The following RFX3 variants were observed in gnomAD, a reference collection of about 807,000 sequenced individuals.
The protein encoded by RFX3 is regulatory factor X3.
RFX3 carries 14 observed loss-of-function variants against 98.6 expected under a neutral mutation model. The ratio of observed to expected loss-of-function variants is 0.14; its 90% CI spans 0.09 to 0.22. RFX3 has a LOEUF of 0.22. Ranked by LOEUF, RFX3 falls within the 10% of genes least tolerant of loss-of-function variation. RFX3 has a pLI of 1.00. For missense variants in RFX3, 639 were observed against 926.9 expected (o/e 0.69, Z 4.03); for synonymous variants, 383 against 328.4 (o/e 1.17, Z -1.80).
chr9:3,410,270 G>A (rs1482374277), intron 1 of RFX3, among the ~76,000 whole-genome samples: 2 of 148,424 alleles, frequency 1.3e-5, no homozygotes, highest in African/African-American at 5.0e-5. Flanking sequence ...GAACCATCTT[G>A]CCAACTTGTT....
At position 3,424,348 on chromosome 9, in the gene RFX3, C is replaced by CTTTTTT. The variant is rs748693786; in HGVS notation, c.-8-28758_-8-28753dup. On this transcript the variant is annotated intron_variant, in intron 1 of 16. Transcript: ENST00000617270. ...AGAGTCACTGTAATTACATAATTGA[C>CTTTTTT]TTTTTTTTTTTTTTTTTTTTTTTTT... Among the ~76,000 whole-genome samples the CTTTTTT allele has an allele frequency of 2.9e-4, 22 of 76,006 alleles. 3 individuals carry two copies. The highest frequency in any genetic ancestry group is 8.4e-4 in the African/African-American group (13 of 15,420). 49.9% of individuals were successfully genotyped at this position (76,006 alleles called of 152,430 possible). A position where few individuals can be genotyped will look rare whatever the true frequency, so the allele number is the denominator to read the frequency against.
chr9:3,298,556 A>C (rs546759306), intron 5 of RFX3, among the ~76,000 whole-genome samples: 3 of 151,934 alleles, frequency 2.0e-5, no homozygotes, highest in African/African-American at 7.2e-5. Flanking sequence ...TGGTGAACAA[A>C]ACATACAAAA....
Position 3,224,783 on chromosome 9 carries a change from A to C in RFX3, c.*259T>G, listed in dbSNP as rs1396219430. The C allele has an allele frequency of 9.1e-6, 3 of 329,300 alleles. No individual in the cohort carries two copies. The highest frequency in any genetic ancestry group is 1.7e-5 in the Non-Finnish European group (3 of 181,788). The allele number at this position is 329,300 out of a possible 1,614,324, so 20.4% of individuals were successfully genotyped here. A position where few individuals can be genotyped will look rare whatever the true frequency, so the allele number is the denominator to read the frequency against. ...TTAATTATAAGAAAACAAAACATTG[A>C]CATTAAGTGTTGTAAAAATCCTTCT... On this transcript the variant is annotated 3_prime_UTR_variant, in exon 17 of 17. Transcript: ENST00000617270.
At chr9:3,285,722 C>T (rs944210286) in intron 7 of RFX3, among the ~76,000 whole-genome samples, 1 of 151,616 alleles carries the variant, frequency 6.6e-6, no homozygotes, top group Admixed American at 6.6e-5. Flanking sequence ...TTCAGTACTT[C>T]TTTGGTTCTT....
At chr9:3,375,703 G>GT (rs752389167) in intron 2 of RFX3, among the ~76,000 whole-genome samples, 1 of 152,184 alleles carries the variant, frequency 6.6e-6, no homozygotes, top group Non-Finnish European at 1.5e-5. Context: ...GCTCACACCT[G>GT]TAATCCCAGC....
chr9:3,284,053 T>C (rs540721200), intron 7 of RFX3, among the ~76,000 whole-genome samples: 3 of 151,874 alleles, frequency 2.0e-5, no homozygotes, highest in Non-Finnish European at 4.4e-5. Flanking sequence ...TGATTCTGTG[T>C]TATGTCTTTT....
chr9:3,403,836 G>C (rs892119778), intron 1 of RFX3, among the ~76,000 whole-genome samples: 5 of 152,128 alleles, frequency 3.3e-5, no homozygotes, highest in African/African-American at 7.2e-5. Context: ...ACCAAACAGA[G>C]TTTCCTTTAG....
In RFX3 at chr9:3,504,900, T is replaced by TTATA. The variant is rs372833954; in HGVS notation, c.-9+20843_-9+20846dup. Among the ~76,000 whole-genome samples the TTATA allele has an allele frequency of 1.3e-3, 83 of 62,702 alleles. 2 individuals are homozygous for TTATA. The highest frequency in any genetic ancestry group is 9.2e-3 in the South Asian group (20 of 2,184). The allele number at this position is 62,702 out of a possible 152,430, so 41.1% of individuals were successfully genotyped here. On this transcript the variant is annotated intron_variant, in intron 1 of 16. Coordinates refer to ENST00000617270, the MANE Select transcript of RFX3 (RefSeq NM_001282116.2). ...TATATTATATATAATATAACATATA[T>TTATA]TATATATATATATAATATAACATAT...
At chr9:3,349,667 A>T (rs2991324) in intron 2 of RFX3, among the ~76,000 whole-genome samples, 26,117 of 151,872 alleles carry the variant, frequency 0.17, 3,016 homozygotes, top group African/African-American at 0.32. Context: ...TTTTTAGACA[A>T]ACGTGCAAAT....
intron 1 of RFX3, among the ~76,000 whole-genome samples, chr9:3,441,164 A>G (rs1845574641): frequency 6.6e-6 from 1 of 152,212 alleles, no homozygotes; most frequent in South Asian, 2.1e-4. Context: ...TGGATGATGG[A>G]AGCCATGTTT....
intron 13 of RFX3, 124 bp from the exon 14 acceptor site, chr9:3,257,323 C>A (rs1170295843): frequency 2.7e-6 from 2 of 750,574 alleles, no homozygotes; most frequent in Non-Finnish European, 2.1e-6. Context: ...TTAAATGAAT[C>A]CAGAAAATAA....
chr9:3,306,825 G>A (rs1011351809), intron 4 of RFX3, among the ~76,000 whole-genome samples: 1 of 151,974 alleles, frequency 6.6e-6, no homozygotes. Context: ...AACATTTTAG[G>A]CAAAGCAAAC....
chr9:3,252,813 T>G (rs1821601328), intron 14 of RFX3, among the ~76,000 whole-genome samples: 1 of 152,206 alleles, frequency 6.6e-6, no homozygotes, highest in Non-Finnish European at 1.5e-5. Context: ...AAAAAATTTA[T>G]TGATCCTCAA....
intron 1 of RFX3, among the ~76,000 whole-genome samples, chr9:3,471,667 T>C (rs1187043294): frequency 1.3e-5 from 2 of 152,230 alleles, no homozygotes; most frequent in Non-Finnish European, 2.9e-5. Flanking sequence ...CTCACCCAGA[T>C]TTTGAATGAT....
intron 1 of RFX3, among the ~76,000 whole-genome samples, chr9:3,411,727 G>A (rs1054847554): frequency 6.6e-6 from 1 of 151,664 alleles, no homozygotes; most frequent in Non-Finnish European, 1.5e-5. Context: ...TGGACCTAAA[G>A]TGATCCTCCT....
At chr9:3,359,324 A>G (rs1836146260) in intron 2 of RFX3, among the ~76,000 whole-genome samples, 1 of 152,046 alleles carries the variant, frequency 6.6e-6, no homozygotes, top group Non-Finnish European at 1.5e-5. Context: ...TCTTTACCCT[A>G]GTTTTTAGTT....
At chr9:3,250,923 G>C (rs1821313847) in intron 14 of RFX3, among the ~76,000 whole-genome samples, 1 of 152,156 alleles carries the variant, frequency 6.6e-6, no homozygotes, top group African/African-American at 2.4e-5. Context: ...TTAGCATTGA[G>C]ATCACACACT....
intron 4 of RFX3, among the ~76,000 whole-genome samples, chr9:3,329,281 G>A (rs1256680848): frequency 6.6e-6 from 1 of 151,630 alleles, no homozygotes; most frequent in African/African-American, 2.4e-5. Context: ...GGTGGCATGT[G>A]GCTGTAGTCC....
At chr9:3,253,763 C>T (rs1170296442) in intron 14 of RFX3, among the ~76,000 whole-genome samples, 2 of 152,000 alleles carry the variant, frequency 1.3e-5, no homozygotes, top group Non-Finnish European at 2.9e-5. Context: ...ACATGAAGGG[C>T]CTGTGTATGT....
Sources: gnomAD v4.1 joint callset for allele counts (sites outside exome capture counted in the v4.1 genomes callset) on GRCh38, gnomAD v4.1.1 for gene constraint, MANE v1.5 for transcripts, NCBI Gene and HGNC (gene_info 2026-07-23, HGNC 2026-07-21) for gene names.